The following GRIK3 variants were observed in gnomAD, a reference collection of about 807,000 sequenced individuals.
The protein encoded by GRIK3 is glutamate ionotropic receptor kainate type subunit 3, also known as glutamate receptor ionotropic, kainate 3.
GRIK3 carries 29 observed loss-of-function variants against 102.5 expected under a neutral mutation model. The observed-to-expected ratio is 0.28, with a 90% confidence interval of 0.21 to 0.39. The LOEUF (loss-of-function observed/expected upper bound fraction) is 0.39. GRIK3 is among the 10% of genes least tolerant of loss of function. The pLI, the probability that GRIK3 is intolerant of heterozygous loss-of-function variation, is 1.00. For missense variants in GRIK3, 908 were observed against 1,252.4 expected, an observed-to-expected ratio of 0.73 and a Z score of 4.15; for synonymous variants, 511 against 504.9, an observed-to-expected ratio of 1.01 and a Z score of -0.16.
chr1:36,884,725 T>A (rs968178755), intron 2 of GRIK3, among the ~76,000 whole-genome samples: 2 of 152,242 alleles, frequency 1.3e-5, no homozygotes, highest in East Asian at 1.9e-4. Context: ...TTCTTTTTCC[T>A]GGAACACCTT....
intron 1 of GRIK3, among the ~76,000 whole-genome samples, chr1:37,008,781 CAT>C (rs1570862378): frequency 6.6e-6 from 1 of 152,186 alleles, no homozygotes; most frequent in Non-Finnish European, 1.5e-5. Flanking sequence ...AAAATTCTGA[CAT>C]ACTGATTTCT....
At chr1:37,000,931 C>T (rs186743039) in intron 1 of GRIK3, among the ~76,000 whole-genome samples, 11 of 152,298 alleles carry the variant, frequency 7.2e-5, no homozygotes, top group Non-Finnish European at 1.3e-4. Context: ...TGGCAAATAC[C>T]GAAGCATTGC....
intron 13 of GRIK3, 128 bp downstream of exon 13, chr1:36,816,932 G>A: frequency 3.0e-6 from 2 of 664,840 alleles, no homozygotes; most frequent in South Asian, 1.9e-5. Flanking sequence ...CGGTGGGGCT[G>A]AGAGGGCTTC....
At chr1:36,916,273 G>C (rs1344583139) in intron 1 of GRIK3, among the ~76,000 whole-genome samples, 1 of 152,126 alleles carries the variant, frequency 6.6e-6, no homozygotes, top group Non-Finnish European at 1.5e-5. Context: ...AAGGTGACTT[G>C]GGTGCTGTTA....
intron 7 of GRIK3, among the ~76,000 whole-genome samples, chr1:36,858,093 C>G (rs1221366218): frequency 6.6e-6 from 1 of 152,210 alleles, no homozygotes; most frequent in Non-Finnish European, 1.5e-5. Flanking sequence ...GAGGGCTTCC[C>G]CCACTGCCCT....
intron 1 of GRIK3, among the ~76,000 whole-genome samples, chr1:36,997,250 G>A (rs1642430381): frequency 6.6e-6 from 1 of 152,184 alleles, no homozygotes; most frequent in Non-Finnish European, 1.5e-5. Context: ...CAGGCACTTT[G>A]GGCGTGAGGC....
At chr1:36,967,547 G>T (rs1642093523) in intron 1 of GRIK3, among the ~76,000 whole-genome samples, 1 of 152,194 alleles carries the variant, frequency 6.6e-6, no homozygotes. Context: ...GAAAGGAGGA[G>T]GTAGGTGACA....
chr1:36,846,045 G>A (rs183138585), intron 9 of GRIK3, among the ~76,000 whole-genome samples: 1 of 152,322 alleles, frequency 6.6e-6, no homozygotes, highest in Non-Finnish European at 1.5e-5. Context: ...GGCTCACATC[G>A]GCAGCCAAAC....
intron 9 of GRIK3, among the ~76,000 whole-genome samples, chr1:36,843,246 C>T (rs923521924): frequency 1.3e-5 from 2 of 152,170 alleles, no homozygotes; most frequent in South Asian, 2.1e-4. Context: ...CGCAAGTCCA[C>T]GCTTTTGCCG....
intron 1 of GRIK3, among the ~76,000 whole-genome samples, chr1:36,892,479 A>G (rs535946236): frequency 1.3e-5 from 2 of 149,108 alleles, no homozygotes; most frequent in East Asian, 4.0e-4. Context: ...CTTTACAAAA[A>G]TAAAAAGAAA....
At chr1:36,849,478 T>A (rs919601463) in intron 9 of GRIK3, among the ~76,000 whole-genome samples, 2 of 152,244 alleles carry the variant, frequency 1.3e-5, no homozygotes, top group Non-Finnish European at 1.5e-5. Context: ...AGAGCTAGCA[T>A]TGTCCTCAAA....
chr1:36,842,760 T>C (rs1256249965), intron 9 of GRIK3, among the ~76,000 whole-genome samples: 1 of 152,152 alleles, frequency 6.6e-6, no homozygotes. Context: ...CCCTCTGGGG[T>C]GGGTATGAAT....
intron 1 of GRIK3, among the ~76,000 whole-genome samples, chr1:36,958,430 A>AG (rs774252745): frequency 1.1e-5 from 1 of 93,654 alleles, no homozygotes; most frequent in Non-Finnish European, 2.0e-5. Context: ...GTGCCCCGTG[A>AG]CTCTGTGCCC....
In GRIK3 at chr1:36,946,174, G is replaced by A. The variant is rs141688672; in HGVS notation, c.116-55078C>T. Among the ~76,000 whole-genome samples the A allele has an allele frequency of 1.4e-4, 21 of 152,354 alleles. 2 individuals carry two copies. The highest frequency in any genetic ancestry group is 4.8e-4 in the African/African-American group (20 of 41,580). On this transcript the variant is annotated intron_variant, in intron 1 of 15. Transcript: ENST00000373091. ...GGCCCAGGCCAGGGGACAGGAGAGCGATGGGTATCCAGAGCCTCCTGGGCA... is the reference window on the plus strand; with the variant it reads ...GGCCCAGGCCAGGGGACAGGAGAGCAATGGGTATCCAGAGCCTCCTGGGCA...
chr1:36,901,916 A>G (rs955474101), intron 1 of GRIK3, among the ~76,000 whole-genome samples: 5 of 152,370 alleles, frequency 3.3e-5, no homozygotes, highest in South Asian at 4.1e-4. Flanking sequence ...GCAAAAGTCA[A>G]TTGCTTTTCT....
intron 2 of GRIK3, among the ~76,000 whole-genome samples, chr1:36,882,037 T>C (rs1640985932): frequency 6.6e-6 from 1 of 151,852 alleles, no homozygotes; most frequent in Admixed American, 6.6e-5. Context: ...TGTGTCTTAC[T>C]AGGGAGGCCT....
Position 37,016,803 on chromosome 1 carries a change from C to A in GRIK3, c.115+17191G>T, listed in dbSNP as rs574836603. ...ATGTTGGCTGATTCAACTTAAAAAA[C>A]CAATTAAAATTAAAATGATGAGGGT... On this transcript the variant is annotated intron_variant, in intron 1 of 15. Coordinates refer to ENST00000373091, the MANE Select transcript of GRIK3 (RefSeq NM_000831.4). Among the ~76,000 whole-genome samples, 6 of 152,120 alleles carry A rather than the reference C, an allele frequency of 3.9e-5. No individual in the cohort carries two copies. In the South Asian group the frequency reaches 8.3e-4, roughly 21 times the overall value.
At position 36,891,078 on chromosome 1, in the gene GRIK3, G is replaced by A. The variant is rs371759736; in HGVS notation, c.134C>T (p.Ala45Val). 7 of 1,611,734 alleles carry A rather than the reference G, an allele frequency of 4.3e-6. No individual in the cohort carries two copies. The highest frequency in any genetic ancestry group is 1.1e-5 in the South Asian group (1 of 90,578). ...VIRIGGIFEY[A>V]DGPNAQVMNA... is the part of the protein sequence containing the mutation. ...CATGACCTGGGCGTTGGGGCCGTCC[G>A]CATACTCGAAGATTCCTCCTGTGAA... Residue 45 changes from alanine to valine, a missense_variant, in exon 2 of 16, where the codon GCG (alanine) becomes GTG (valine). Physicochemically the swap from Ala to Val is moderately conservative, Grantham distance 64. Transcript: ENST00000373091.
At chr1:36,924,356 T>C (rs1370009106) in intron 1 of GRIK3, among the ~76,000 whole-genome samples, 1 of 152,202 alleles carries the variant, frequency 6.6e-6, no homozygotes, top group Non-Finnish European at 1.5e-5. Context: ...CCTGGTGCTG[T>C]GCAATTTTGG....
Sources: gnomAD v4.1 joint callset for allele counts (sites outside exome capture counted in the v4.1 genomes callset) on GRCh38, gnomAD v4.1.1 for gene constraint, MANE v1.5 for transcripts, NCBI Gene and HGNC (gene_info 2026-07-23, HGNC 2026-07-21) for gene names.